Variants in COBLL1 observed in about 807,000 individuals in gnomAD.
The protein encoded by COBLL1 is cordon-bleu WH2 repeat protein like 1, also known as cordon-bleu protein-like 1.
COBLL1 carries 50 observed loss-of-function variants against 94.8 expected under a neutral mutation model. The ratio of observed to expected loss-of-function variants is 0.53; its 90% CI spans 0.42 to 0.67. COBLL1 has a LOEUF of 0.67. COBLL1 is among the 30% of genes least tolerant of loss of function. The pLI is 0.00. For missense variants in COBLL1, 1,362 were observed against 1,348.7 expected, an observed-to-expected ratio of 1.01 and a Z score of -0.15; for synonymous variants, 448 against 473.8, an observed-to-expected ratio of 0.95 and a Z score of 0.71.
chr2:164,745,774 T>C (rs994062793), intron 2 of COBLL1, among the ~76,000 whole-genome samples: 10 of 152,166 alleles, frequency 6.6e-5, no homozygotes, highest in African/African-American at 2.4e-4. Flanking sequence ...ATAACTGATA[T>C]TTTTGGCAGA....
chr2:164,818,253 TATACAC>T (rs1684898341), intron 2 of COBLL1, among the ~76,000 whole-genome samples: 1 of 150,662 alleles, frequency 6.6e-6, no homozygotes, highest in South Asian at 2.1e-4. Flanking sequence ...TACATGTGCA[TATACAC>T]ATATACACGT....
chr2:164,668,300 G>A (rs1276928109), intron 1 of COBLL1, among the ~76,000 whole-genome samples: 1 of 152,086 alleles, frequency 6.6e-6, no homozygotes, highest in Admixed American at 6.5e-5. Flanking sequence ...CACTAAACTT[G>A]ATCATTCCTA....
chr2:164,661,303 A>G (rs1385061243), intron 2 of COBLL1, among the ~76,000 whole-genome samples: 2 of 152,134 alleles, frequency 1.3e-5, no homozygotes, highest in Non-Finnish European at 2.9e-5. Flanking sequence ...TTTTATATTA[A>G]AATTATTTGC....
rs536411842 is a variant in COBLL1, at chr2:164,810,576, A to G, written c.41+30580T>C. ...AATCAAAAGAGTTGATTCTTTTGGT[A>G]TGGTAACATTGAAGTTAATTGTTAT... On this transcript the variant is annotated intron_variant, in intron 2 of 13. Coordinates refer to ENST00000652658, the MANE Select transcript of COBLL1 (RefSeq NM_001365672.2). Among the ~76,000 whole-genome samples the G allele has an allele frequency of 1.1e-4, 17 of 151,840 alleles. 1 individual carries two copies. The South Asian group carries it at 2.9e-3, about 26-fold the overall frequency.
chr2:164,833,465 T>TC (rs5835998), intron 2 of COBLL1, among the ~76,000 whole-genome samples: 17,258 of 150,374 alleles, frequency 0.11, 1,314 homozygotes, highest in Admixed American at 0.17. Context: ...TTTTTTTTTT[T>TC]CCTGAGACGG....
intron 2 of COBLL1, among the ~76,000 whole-genome samples, chr2:164,816,448 T>C (rs1396082734): frequency 6.6e-6 from 1 of 152,120 alleles, no homozygotes; most frequent in South Asian, 2.1e-4. Flanking sequence ...GCAAAGACTT[T>C]TGGGAAGAGA....
chr2:164,693,207 T>C (rs1411490456), intron 12 of COBLL1, among the ~76,000 whole-genome samples: 1 of 152,164 alleles, frequency 6.6e-6, no homozygotes, highest in Non-Finnish European at 1.5e-5. Context: ...GGTATTCTAT[T>C]CCAAGAAAAA....
intron 5 of COBLL1, chr2:164,727,196 T>C: frequency 9.6e-7 from 1 of 1,041,206 alleles, no homozygotes; most frequent in Non-Finnish European, 1.4e-6. Context: ...AGATGATGTT[T>C]GTTCAAGTAT....
At position 164,683,692 on chromosome 2, in the gene COBLL1, T is replaced by C. The variant is rs768697521; in HGVS notation, c.*2254A>G. On this transcript the variant is annotated 3_prime_UTR_variant, in exon 14 of 14. Coordinates refer to ENST00000652658, the MANE Select transcript of COBLL1 (RefSeq NM_001365672.2). ...ACATATACAGCCATAATTTATAGTA[T>C]CATTTTTTATATTTATACTTTATGT... The C allele has an allele frequency of 6.6e-6, 1 of 152,146 alleles. No homozygotes were observed. The highest frequency in any genetic ancestry group is 2.4e-5 in the African/African-American group (1 of 41,444). 9.4% of individuals were successfully genotyped at this position (152,146 alleles called of 1,614,324 possible).
intron 13 of COBLL1, among the ~76,000 whole-genome samples, chr2:164,691,731 T>C (rs1328524361): frequency 1.3e-5 from 2 of 152,324 alleles, no homozygotes; most frequent in Middle Eastern, 3.4e-3. Flanking sequence ...TACTAAGATT[T>C]GAATTTCTGT....
chr2:164,709,470 C>A (rs1237648220), intron 7 of COBLL1, among the ~76,000 whole-genome samples: 1 of 152,184 alleles, frequency 6.6e-6, no homozygotes, highest in African/African-American at 2.4e-5. Context: ...GTAATCCCAG[C>A]ACTTTGGGAA....
chr2:164,717,749 G>A (rs1232348640), intron 7 of COBLL1, among the ~76,000 whole-genome samples: 1 of 152,008 alleles, frequency 6.6e-6, no homozygotes, highest in African/African-American at 2.4e-5. Context: ...TTTTTGTAGA[G>A]GCAGGGGTCT....
rs530512760 is a variant in COBLL1, at chr2:164,702,572, A to T, written c.1226-1816T>A. On this transcript the variant is annotated intron_variant, in intron 9 of 13. Transcript: ENST00000652658. ...GTGAGACTCCTCAAAAAAAAAAAAA[A>T]AAAAATAATAATAATAATAATTTGA... 3.2e-3 allele frequency among the ~76,000 whole-genome samples: 464 copies of T among 144,530 alleles called. 3 individuals are homozygous for T. Among genetic ancestry groups the T allele is most frequent in the African/African-American group, 7.9e-3 (294 of 37,008 alleles). The allele number at this position is 144,530 out of a possible 152,430, so 94.8% of individuals were successfully genotyped here. A position where few individuals can be genotyped will look rare whatever the true frequency, so the allele number is the denominator to read the frequency against.
At chr2:164,679,939 AAATAATAAT>A (rs535463767), downstream of COBLL1, among the ~76,000 whole-genome samples, 22 of 150,292 alleles carry the variant, frequency 1.5e-4, no homozygotes, top group Admixed American at 7.3e-4. Context: ...ATATAAATAT[AAATAATAAT>A]AATAATAATA....
chr2:164,675,135 AT>A (rs1282946768), intron 1 of COBLL1, among the ~76,000 whole-genome samples: 1 of 152,190 alleles, frequency 6.6e-6, no homozygotes, highest in Admixed American at 6.5e-5. Context: ...GAAAAAAAAA[AT>A]GAGGAGACCA....
intron 7 of COBLL1, chr2:164,718,308 C>A (rs940238669): frequency 4.4e-6 from 4 of 913,462 alleles, no homozygotes; most frequent in Non-Finnish European, 5.2e-6. Context: ...ATAATACAAC[C>A]CTAAAGTTTA....
chr2:164,731,561 C>G (rs780305851), intron 3 of COBLL1, among the ~76,000 whole-genome samples: 1 of 152,150 alleles, frequency 6.6e-6, no homozygotes, highest in Non-Finnish European at 1.5e-5. Context: ...TCAGGTGATC[C>G]TAAACTGTTA....
chr2:164,727,758 T>G (rs1685785803), intron 5 of COBLL1, among the ~76,000 whole-genome samples: 1 of 151,916 alleles, frequency 6.6e-6, no homozygotes, highest in African/African-American at 2.4e-5. Context: ...TTAATTCCAA[T>G]TTCAATAACT....
intron 5 of COBLL1, chr2:164,725,134 A>ATATATATAT (rs1558956185): frequency 2.1e-3 from 114 of 55,246 alleles, no homozygotes; most frequent in Non-Finnish European, 2.5e-3. Context: ...ATATATATAT[A>ATATATATAT]AAATGAAAGC....
Sources: gnomAD v4.1 joint callset for allele counts (sites outside exome capture counted in the v4.1 genomes callset) on GRCh38, gnomAD v4.1.1 for gene constraint, MANE v1.5 for transcripts, NCBI Gene and HGNC (gene_info 2026-07-23, HGNC 2026-07-21) for gene names.